The following SSH2 variants were observed in gnomAD, a reference collection of about 807,000 sequenced individuals.
SSH2 encodes the protein protein phosphatase Slingshot homolog 2.
Under a neutral mutation model 135.2 loss-of-function variants are expected in SSH2, and 37 were observed. That is an observed-to-expected ratio of 0.27 (90% confidence interval 0.21 to 0.36). The LOEUF (loss-of-function observed/expected upper bound fraction) is 0.36, where lower values mean the gene tolerates loss of function less well. Ranked by LOEUF, SSH2 falls within the 10% of genes least tolerant of loss-of-function variation. SSH2 has a pLI of 1.00. For missense variants in SSH2, 1,408 were observed against 1,765.3 expected, an observed-to-expected ratio of 0.80 and a Z score of 3.63; for synonymous variants, 628 against 646.2, an observed-to-expected ratio of 0.97 and a Z score of 0.43.
intron 3 of SSH2, among the ~76,000 whole-genome samples, chr17:29,725,108 G>A (rs1476639529): frequency 1.3e-5 from 2 of 150,852 alleles, no homozygotes; most frequent in Non-Finnish European, 3.0e-5. Flanking sequence ...AGCACTCTGG[G>A]AGGCCAAGAC....
chr17:29,714,918 G>A (rs2039566654), intron 3 of SSH2, among the ~76,000 whole-genome samples: 1 of 151,974 alleles, frequency 6.6e-6, no homozygotes, highest in African/African-American at 2.4e-5. Context: ...CCAGGCTGAA[G>A]TGCAATGGTG....
At chr17:29,875,893 G>A (rs1413793089) in intron 1 of SSH2, among the ~76,000 whole-genome samples, 9 of 148,600 alleles carry the variant, frequency 6.1e-5, no homozygotes. Flanking sequence ...AGTTATTTCA[G>A]TCATAGAATT....
intron 1 of SSH2, among the ~76,000 whole-genome samples, chr17:29,909,124 T>C (rs2066718253): frequency 6.6e-6 from 1 of 152,150 alleles, no homozygotes; most frequent in Non-Finnish European, 1.5e-5. Context: ...AAGGATTTAT[T>C]ATTAAAAACT....
At chr17:29,826,505 A>G (rs762655303) in intron 2 of SSH2, among the ~76,000 whole-genome samples, 4 of 152,188 alleles carry the variant, frequency 2.6e-5, no homozygotes, top group Admixed American at 6.5e-5. Context: ...GAAACAAAAA[A>G]CATAGTAGTT....
At chr17:29,660,314 T>C (rs1054047093) in intron 11 of SSH2, among the ~76,000 whole-genome samples, 3 of 151,482 alleles carry the variant, frequency 2.0e-5, no homozygotes, top group Admixed American at 6.6e-5. Context: ...GTCGCCAGGC[T>C]GGAGTGCAGT....
Position 29,631,761 on chromosome 17 carries a change from C to G in SSH2, c.3433G>C (p.Val1145Leu). The G allele has an allele frequency of 6.2e-7, 1 of 1,614,186 alleles. No homozygotes were observed. The highest frequency in any genetic ancestry group is 8.5e-7 in the Non-Finnish European group (1 of 1,180,040). ...GACAGTAAATGGGTTGTATGACTGA[C>G]AAAAGGTGCTGCTGTCTCCAGGGCT... ...STALETAAPF[V>L]SHTTHLLSAS... The change falls in exon 16 of 16, where the codon GTC (valine) becomes CTC (leucine). Residue 1145 changes from valine (V) to leucine (L), a missense_variant. Physicochemically the swap from Val to Leu is conservative, Grantham distance 32. Transcript: ENST00000540801.
intron 2 of SSH2, among the ~76,000 whole-genome samples, chr17:29,817,837 A>G (rs184659517): frequency 2.3e-3 from 355 of 152,302 alleles, no homozygotes; most frequent in African/African-American, 7.9e-3. Context: ...GGCTCACTAC[A>G]GGCTCAAACT....
intron 1 of SSH2, among the ~76,000 whole-genome samples, chr17:29,924,393 C>T (rs2067028356): frequency 6.6e-6 from 1 of 152,134 alleles, no homozygotes; most frequent in African/African-American, 2.4e-5. Context: ...TTAGAACGTG[C>T]ATCTTAAATG....
intron 14 of SSH2, 175 bp downstream of exon 14, chr17:29,647,969 T>G: frequency 1.5e-6 from 1 of 658,894 alleles, no homozygotes; most frequent in Middle Eastern, 4.3e-4. Context: ...GGCCAGCCCA[T>G]GCAAATCTTA....
chr17:29,691,360 G>C (rs2151094083), intron 5 of SSH2, among the ~76,000 whole-genome samples: 1 of 152,272 alleles, frequency 6.6e-6, no homozygotes, highest in South Asian at 2.1e-4. Context: ...TTGGTAACGT[G>C]CAAGAGTACT....
At chr17:29,750,092 TTTATAA>T (rs1229329069) in intron 3 of SSH2, among the ~76,000 whole-genome samples, 2 of 152,112 alleles carry the variant, frequency 1.3e-5, no homozygotes, top group African/African-American at 4.8e-5. Context: ...CTTTATAAAC[TTTATAA>T]TTATTTTAAC....
In SSH2 at chr17:29,672,144, G is replaced by C. The variant is rs1161603749; in HGVS notation, c.615-15C>G. The C allele has an allele frequency of 3.7e-6, 6 of 1,608,950 alleles. No homozygotes were observed. The highest frequency in any genetic ancestry group is 3.3e-5 in the Admixed American group (2 of 59,772). ...GTAGTGCAGACCTGAAAGACATGCT[G>C]GGAAATGAGCACCATAGAACTGTGG... On this transcript the variant is annotated splice_polypyrimidine_tract_variant and intron_variant, in intron 8 of 15. Transcript: ENST00000540801.
intron 2 of SSH2, among the ~76,000 whole-genome samples, chr17:29,799,003 T>G (rs930450087): frequency 6.6e-6 from 1 of 152,228 alleles, no homozygotes; most frequent in African/African-American, 2.4e-5. Context: ...AACAATGTAT[T>G]ACTCATTTTT....
At chr17:29,829,782 T>C (rs1368653082) in intron 2 of SSH2, among the ~76,000 whole-genome samples, 1 of 151,552 alleles carries the variant, frequency 6.6e-6, no homozygotes, top group Admixed American at 6.6e-5. Flanking sequence ...ACCTGGTCAC[T>C]CCCCAGCTGA....
intron 1 of SSH2, among the ~76,000 whole-genome samples, chr17:29,873,877 T>C (rs909265407): frequency 6.6e-6 from 1 of 152,142 alleles, no homozygotes; most frequent in African/African-American, 2.4e-5. Context: ...CTTGGCAAAT[T>C]AGATATTTGG....
chr17:29,891,213 T>C (rs990727162), intron 1 of SSH2, among the ~76,000 whole-genome samples: 2 of 152,312 alleles, frequency 1.3e-5, no homozygotes, highest in East Asian at 1.9e-4. Flanking sequence ...ACTTTTCATA[T>C]GTTAGTACTT....
intron 1 of SSH2, among the ~76,000 whole-genome samples, chr17:29,865,387 T>G (rs1416501134): frequency 6.6e-6 from 1 of 152,164 alleles, no homozygotes; most frequent in Admixed American, 6.5e-5. Context: ...GCAGGAAAGC[T>G]TTACAACCCA....
At chr17:29,738,560 A>T (rs4474742) in intron 3 of SSH2, among the ~76,000 whole-genome samples, 65,827 of 144,132 alleles carry the variant, frequency 0.46, 15,331 homozygotes, top group Non-Finnish European at 0.51. Context: ...ATTTTATTTT[A>T]TTTTTTTTTT....
chr17:29,804,482 G>C (rs2151317731), intron 2 of SSH2, among the ~76,000 whole-genome samples: 1 of 152,320 alleles, frequency 6.6e-6, no homozygotes, highest in Admixed American at 6.5e-5. Flanking sequence ...ATGCCCTATA[G>C]AAAAATCTGA....
Sources: gnomAD v4.1 joint callset for allele counts (sites outside exome capture counted in the v4.1 genomes callset) on GRCh38, gnomAD v4.1.1 for gene constraint, MANE v1.5 for transcripts, NCBI Gene and HGNC (gene_info 2026-07-23, HGNC 2026-07-21) for gene names.